Variants in SESN1 observed in about 807,000 individuals in gnomAD.
SESN1 encodes sestrin-1.
In SESN1, 30 loss-of-function variants were observed where a neutral mutation model predicts 59.3. The ratio of observed to expected loss-of-function variants is 0.51; its 90% confidence interval spans 0.38 to 0.69. The LOEUF (loss-of-function observed/expected upper bound fraction) is 0.69. SESN1 is among the 30% of genes least tolerant of loss of function. The probability of loss-of-function intolerance (pLI) is 0.00; values close to 1 mark genes in which losing one functional copy is unlikely to be tolerated. For missense variants in SESN1, 566 were observed against 673.0 expected (o/e 0.84, Z 1.76); for synonymous variants, 197 against 219.9 (o/e 0.90, Z 0.92).
chr6:109,070,841 G>T (rs1334437639), intron 1 of SESN1, among the ~76,000 whole-genome samples: 1 of 152,194 alleles, frequency 6.6e-6, no homozygotes, highest in Non-Finnish European at 1.5e-5. Flanking sequence ...CTGGGGTGAG[G>T]CTTGAGATTC....
intron 1 of SESN1, among the ~76,000 whole-genome samples, chr6:109,046,764 G>A (rs1370604123): frequency 7.2e-6 from 1 of 138,438 alleles, no homozygotes; most frequent in Non-Finnish European, 1.6e-5. Context: ...GAGTGCCTCT[G>A]CCCGGCCGAG....
In SESN1 at chr6:109,094,013, T is replaced by C. The variant is rs764435499; in HGVS notation, c.61A>G (p.Arg21Gly). 4 of 1,614,106 alleles carry C rather than the reference T, an allele frequency of 2.5e-6. No individual in the cohort carries two copies. Among genetic ancestry groups the C allele is most frequent in the African/African-American group, 2.7e-5 (2 of 74,942 alleles). ...CTAATGTTTTCCAATGCTGTCTCCC[T>C]AGTAGTTGAATCTCTGCTGCAGAGT... is the stretch of plus-strand genomic sequence containing the variant. ...DGLCSRDSTTRETALENIRQT... is the reference protein window; with the variant it reads ...DGLCSRDSTTGETALENIRQT... The change falls in exon 1 of 10, where the codon AGG (arginine) becomes GGG (glycine). Residue 21 changes from arginine (R) to glycine (G), a missense_variant. Transcript: ENST00000436639.
chr6:109,055,269 C>T lies in SESN1; in HGVS notation c.279+38526G>A, dbSNP rs141125631. Among the ~76,000 whole-genome samples the T allele has an allele frequency of 8.9e-3, 1,360 of 152,284 alleles. 25 individuals carry two copies. Among genetic ancestry groups the T allele is most frequent in the African/African-American group, 0.03 (1,261 of 41,552 alleles). On this transcript the variant is annotated intron_variant, in intron 1 of 9. Coordinates refer to ENST00000436639, the MANE Select transcript of SESN1 (RefSeq NM_014454.3). Reference sequence around the variant, plus strand: ...CCCTTCACTTTCCTCTCCAATCCTTCTTGGGTCCCTAGTTTTTCAGACTCT... The same window carrying T: ...CCCTTCACTTTCCTCTCCAATCCTTTTTGGGTCCCTAGTTTTTCAGACTCT...
rs947045691 is a variant in SESN1, at chr6:109,006,405, T to G, written c.280-4062A>C. Among the ~76,000 whole-genome samples the G allele has an allele frequency of 2.0e-5, 3 of 152,022 alleles. No individual in the cohort carries two copies. The South Asian group carries it at 6.2e-4, about 32-fold the overall frequency. On this transcript the variant is annotated intron_variant, in intron 1 of 9. Transcript: ENST00000436639. Reference sequence around the variant, plus strand: ...TGTTGGTTTGCTGCACCCATTAACTTGTCATTTACATTAGGTATATCTCCT... The same window carrying G: ...TGTTGGTTTGCTGCACCCATTAACTGGTCATTTACATTAGGTATATCTCCT...
Position 108,990,207 on chromosome 6 carries a change from GATTACGTATTATGAGAGC to G in SESN1, c.1424+420_1424+437del, listed in dbSNP as rs766234406. Reference sequence around the variant, plus strand: ...CAAGGACATGAAAGTTTTGCATTTTGATTACGTATTATGAGAGCAAGTACTCCTCAGAAGGAGCCTAAG... The same window carrying G: ...CAAGGACATGAAAGTTTTGCATTTTGAAGTACTCCTCAGAAGGAGCCTAAG... On this transcript the variant is annotated intron_variant, in intron 8 of 9. Coordinates refer to ENST00000436639, the MANE Select transcript of SESN1 (RefSeq NM_014454.3). Among the ~76,000 whole-genome samples, 126 of 152,342 alleles carry G rather than the reference GATTACGTATTATGAGAGC, an allele frequency of 8.3e-4. 1 individual carries two copies. The highest frequency in any genetic ancestry group is 1.4e-3 in the Non-Finnish European group (95 of 68,044).
chr6:109,071,510 T>G lies in SESN1; in HGVS notation c.279+22285A>C, dbSNP rs150737836. Among the ~76,000 whole-genome samples the G allele has an allele frequency of 3.8e-3, 571 of 152,208 alleles. 3 individuals are homozygous for G. Among genetic ancestry groups the G allele is most frequent in the African/African-American group, 0.013 (545 of 41,538 alleles). On this transcript the variant is annotated intron_variant, in intron 1 of 9. Coordinates refer to ENST00000436639, the MANE Select transcript of SESN1 (RefSeq NM_014454.3). The stretch of plus-strand genomic sequence containing the variant: ...AGGTTAGACAGGCAGAATCGGGATA[T>G]GGACCCCGGCAGTCTAGGATCAATT...
At chr6:109,010,670 T>C (rs558906390) in intron 1 of SESN1, among the ~76,000 whole-genome samples, 122 of 152,354 alleles carry the variant, frequency 8.0e-4, no homozygotes, top group African/African-American at 2.6e-3. Flanking sequence ...AGATAAATGA[T>C]ATATGTTCTC....
chr6:109,064,954 G>A (rs60027254), intron 1 of SESN1, among the ~76,000 whole-genome samples: 24,775 of 151,944 alleles, frequency 0.16, 2,521 homozygotes, highest in Non-Finnish European at 0.23. Context: ...ATTACATACT[G>A]TGACAATTTA....
In SESN1 at chr6:109,093,777, T is replaced by G; in HGVS notation, c.279+18A>C. The G allele has an allele frequency of 6.2e-7, 1 of 1,606,594 alleles. No individual in the cohort carries two copies. Among genetic ancestry groups the G allele is most frequent in the Non-Finnish European group, 8.5e-7 (1 of 1,174,968 alleles). On this transcript the variant is annotated intron_variant, in intron 1 of 9. Coordinates refer to ENST00000436639, the MANE Select transcript of SESN1 (RefSeq NM_014454.3). ...ACTGTAGTAGAGACATAGTTGTATT[T>G]AAAATGCTCTTCCTTACCTGGATGC...
chr6:109,074,773 G>A (rs913011782), intron 1 of SESN1, among the ~76,000 whole-genome samples: 1 of 152,208 alleles, frequency 6.6e-6, no homozygotes. Flanking sequence ...AGACACAGAA[G>A]AGATTTGACT....
At chr6:109,066,905 T>C (rs1343213861) in intron 1 of SESN1, among the ~76,000 whole-genome samples, 1 of 151,764 alleles carries the variant, frequency 6.6e-6, no homozygotes, top group Non-Finnish European at 1.5e-5. Flanking sequence ...GATGCCAGAA[T>C]ACAATAGAAA....
intron 7 of SESN1, 101 bp downstream of exon 7, chr6:108,992,686 A>G (rs886146813): frequency 5.3e-6 from 4 of 751,416 alleles, no homozygotes; most frequent in Non-Finnish European, 9.5e-6. Flanking sequence ...TACTGCCTGC[A>G]AAGCACTTAG....
chr6:109,061,192 A>G (rs747279957), intron 1 of SESN1, among the ~76,000 whole-genome samples: 35 of 152,298 alleles, frequency 2.3e-4, no homozygotes, highest in Non-Finnish European at 4.1e-4. Context: ...TTCCCTTAGG[A>G]AAAAAGAACA....
At chr6:108,990,955 C>T in intron 7 of SESN1, 120 bp from the exon 8 acceptor site, 5 of 764,460 alleles carry the variant, frequency 6.5e-6, no homozygotes, top group Non-Finnish European at 1.0e-5. Flanking sequence ...GGCTTTTATC[C>T]CTAACTCCCA....
At chr6:108,993,584 T>C (rs1414716115) in intron 6 of SESN1, among the ~76,000 whole-genome samples, 1 of 152,210 alleles carries the variant, frequency 6.6e-6, no homozygotes, top group Non-Finnish European at 1.5e-5. Flanking sequence ...TCTATTATAT[T>C]GTCAAAATAC....
intron 3 of SESN1, 114 bp downstream of exon 3, chr6:109,001,174 A>G: frequency 1.0e-5 from 9 of 876,412 alleles, no homozygotes; most frequent in Non-Finnish European, 1.6e-5. Context: ...TGCAACAGGA[A>G]TCATATTATA....
chr6:109,035,545 A>AG lies in SESN1; in HGVS notation c.280-33203dup, dbSNP rs796738794. Among the ~76,000 whole-genome samples, 188 of 148,840 alleles carry AG rather than the reference A, an allele frequency of 1.3e-3. 1 individual carries two copies. The highest frequency in any genetic ancestry group is 4.2e-3 in the African/African-American group (174 of 41,058). On this transcript the variant is annotated intron_variant, in intron 1 of 9. Coordinates refer to ENST00000436639, the MANE Select transcript of SESN1 (RefSeq NM_014454.3). Reference sequence around the variant, plus strand: ...AGGCAAAGATGTGACTACCCGGCAGAGGGAAAAAAAAAAAGGAAAAGGAAA... The same window carrying AG: ...AGGCAAAGATGTGACTACCCGGCAGAGGGGAAAAAAAAAAAGGAAAAGGAAA...
At chr6:109,043,937 T>C (rs1780380412) in intron 1 of SESN1, among the ~76,000 whole-genome samples, 2 of 152,068 alleles carry the variant, frequency 1.3e-5, no homozygotes, top group Admixed American at 6.5e-5. Flanking sequence ...CAGCATGATA[T>C]TGGTGAAAGG....
intron 4 of SESN1, 159 bp downstream of exon 4, chr6:109,000,332 C>T (rs1779588771): frequency 6.1e-6 from 3 of 490,120 alleles, no homozygotes; most frequent in African/African-American, 3.9e-5. Context: ...AAATGTACCA[C>T]AGAAATGCTG....
Sources: gnomAD v4.1 joint callset for allele counts (sites outside exome capture counted in the v4.1 genomes callset) on GRCh38, gnomAD v4.1.1 for gene constraint, MANE v1.5 for transcripts, NCBI Gene and HGNC (gene_info 2026-07-23, HGNC 2026-07-21) for gene names.